POLK: variants seen among roughly 807,000 people sequenced by gnomAD.
POLK encodes polymerase (DNA directed) kappa.
Under a neutral mutation model 94.0 loss-of-function variants are expected in POLK, and 76 were observed. The ratio of observed to expected loss-of-function variants is 0.81; its 90% CI spans 0.67 to 0.98. The LOEUF is 0.98. Among genes scored for constraint, POLK ranks in the 50% least tolerant of loss-of-function variants. The probability of loss-of-function intolerance (pLI) is 0.00; values close to 1 mark genes in which losing one functional copy is unlikely to be tolerated. For synonymous variants in POLK, 349 were observed against 325.4 expected (o/e 1.07, Z -0.78); for missense variants, 954 against 1,010.1 (o/e 0.94, Z 0.75).
chr5:75,565,366 C>T (rs142645579), intron 3 of POLK, among the ~76,000 whole-genome samples: 1,662 of 152,254 alleles, frequency 0.011, 31 homozygotes, highest in African/African-American at 0.038. Flanking sequence ...TACCCACCTT[C>T]TGAAGCCTAC....
At chr5:75,511,630 A>C (rs2112496397), upstream of POLK, 1 of 1,480,800 alleles carries the variant, frequency 6.8e-7, no homozygotes, top group Non-Finnish European at 9.0e-7. Flanking sequence ...CCCACTATTT[A>C]CCCTCCCCTC....
the POLK span, among the ~76,000 whole-genome samples, chr5:75,607,686 G>A: frequency 2.0e-5 from 3 of 152,114 alleles, no homozygotes; most frequent in Non-Finnish European, 4.4e-5. Context: ...TTGTAAAACA[G>A]AGACATATCA....
intron 12 of POLK, among the ~76,000 whole-genome samples, chr5:75,595,038 G>T (rs1419020756): frequency 1.3e-5 from 2 of 152,036 alleles, no homozygotes; most frequent in Non-Finnish European, 2.9e-5. Context: ...ATTGCCTGAG[G>T]TCAGGAGTTC....
chr5:75,581,701 A>C, intron 7 of POLK: 2 of 343,064 alleles, frequency 5.8e-6, no homozygotes, highest in Non-Finnish European at 1.1e-5. Flanking sequence ...TTTGAGATGG[A>C]GTCTTGCTCT....
intron 3 of POLK, among the ~76,000 whole-genome samples, chr5:75,560,524 G>GT (rs571861684): frequency 2.6e-5 from 4 of 151,928 alleles, no homozygotes; most frequent in African/African-American, 4.8e-5. Context: ...AAAAAAATTT[G>GT]TTTTTTTATT....
chr5:75,594,508 C>T (rs554948849), intron 12 of POLK, among the ~76,000 whole-genome samples: 2 of 152,228 alleles, frequency 1.3e-5, no homozygotes, highest in South Asian at 4.1e-4. Flanking sequence ...ATTCTTGTGG[C>T]CAGGTGTGTT....
In POLK at chr5:75,530,245, CTTTTTTTTTTT is replaced by C. The variant is rs575507126; in HGVS notation, c.-13-16753_-13-16743del. ...CAAAAAGCTGAATCTATTTGTATTT[CTTTTTTTTTTT>C]TTTTTTTTTTTGAGATGGAATCTTG... On this transcript the variant is annotated intron_variant, in intron 1 of 14. Coordinates refer to ENST00000241436, the Ensembl canonical transcript of POLK. Among the ~76,000 whole-genome samples the C allele has an allele frequency of 4.2e-5, 4 of 95,934 alleles. No individual in the cohort carries two copies. In the East Asian group the frequency reaches 1.3e-3, roughly 31 times the overall value. 62.9% of individuals were successfully genotyped at this position (95,934 alleles called of 152,430 possible). A position where few individuals can be genotyped will look rare whatever the true frequency, so the allele number is the denominator to read the frequency against.
chr5:75,569,447 A>G (rs1198645084), exon 4 of POLK: 2 of 1,613,706 alleles, frequency 1.2e-6, no homozygotes, highest in Admixed American at 3.3e-5. Flanking sequence ...GGGACAATCC[A>G]GAATTGAAGG....
chr5:75,584,747 G>A lies in POLK; in HGVS notation c.1060-13G>A. The A allele has an allele frequency of 7.2e-7, 1 of 1,393,302 alleles. No homozygotes were observed. The highest frequency in any genetic ancestry group is 1.3e-5 in the South Asian group (1 of 75,850). 86.3% of individuals were successfully genotyped at this position (1,393,302 alleles called of 1,614,324 possible). A position where few individuals can be genotyped will look rare whatever the true frequency, so the allele number is the denominator to read the frequency against. On this transcript the variant is annotated splice_polypyrimidine_tract_variant and intron_variant, in intron 8 of 14. Transcript: ENST00000241436. ...TTAAAATCTATTAATAATAAATATT[G>A]ATTCTTTTCTAGGTTTCTGGAATAG...
intron 1 of POLK, among the ~76,000 whole-genome samples, chr5:75,517,462 G>A (rs1015502199): frequency 2.6e-5 from 4 of 152,056 alleles, no homozygotes; most frequent in African/African-American, 9.7e-5. Flanking sequence ...ATAAAAAAAA[G>A]TCTGTACTGA....
chr5:75,573,861 A>G lies in POLK; in HGVS notation c.532A>G (p.Ser178Gly), dbSNP rs766469149. The G allele has an allele frequency of 2.5e-6, 4 of 1,613,170 alleles. No individual in the cohort carries two copies. The African/African-American group carries it at 5.3e-5, about 22-fold the overall frequency. ...CAACTTTGACAAATACCGAGCTGTG[A>G]GTAAAGAGGTAAGTTAATGTCTCAC... The change falls in exon 5 of 15, where the codon AGT becomes GGT. Residue 178 changes from serine to glycine, a missense_variant. Transcript: ENST00000241436.
intron 10 of POLK, among the ~76,000 whole-genome samples, chr5:75,587,653 G>T (rs1220707663): frequency 6.6e-6 from 1 of 152,140 alleles, no homozygotes; most frequent in Non-Finnish European, 1.5e-5. Context: ...CGGCAAGGTG[G>T]CTCACCCCTG....
intron 7 of POLK, 176 bp downstream of exon 7, chr5:75,581,624 T>C: frequency 1.7e-6 from 1 of 596,692 alleles, no homozygotes; most frequent in Non-Finnish European, 2.9e-6. Context: ...AGTAAGTAAA[T>C]TGGAATTAAG....
At chr5:75,529,868 G>A (rs1341830970) in intron 1 of POLK, among the ~76,000 whole-genome samples, 1 of 152,120 alleles carries the variant, frequency 6.6e-6, no homozygotes, top group Non-Finnish European at 1.5e-5. Flanking sequence ...ACATATAGAT[G>A]AAATTGTACC....
chr5:75,573,688 TGTC>T, intron 4 of POLK, 47 bp from the exon 5 acceptor site: 1 of 1,475,458 alleles, frequency 6.8e-7, no homozygotes, highest in Non-Finnish European at 9.5e-7. Context: ...TTGATCAATA[TGTC>T]CATTTAGGTT....
At chr5:75,566,573 A>G (rs1490700393) in intron 3 of POLK, among the ~76,000 whole-genome samples, 2 of 152,168 alleles carry the variant, frequency 1.3e-5, no homozygotes, top group African/African-American at 4.8e-5. Context: ...GGATAGCACC[A>G]TCCCTCACCA....
chr5:75,514,015 TCTA>T (rs774904240), intron 1 of POLK, among the ~76,000 whole-genome samples: 1 of 152,312 alleles, frequency 6.6e-6, no homozygotes, highest in Admixed American at 6.5e-5. Context: ...TTGTTTCACT[TCTA>T]CTATAATTTC....
At chr5:75,596,608 T>C in exon 13 of POLK, 1 of 1,614,038 alleles carries the variant, frequency 6.2e-7, no homozygotes, top group African/African-American at 1.3e-5. Context: ...TCTGGAAGCC[T>C]TGAATAAACA....
chr5:75,538,290 A>G (rs1397060884), intron 1 of POLK, among the ~76,000 whole-genome samples: 1 of 152,246 alleles, frequency 6.6e-6, no homozygotes, highest in Non-Finnish European at 1.5e-5. Flanking sequence ...TAAAATAAAC[A>G]GCATATTTGG....
Sources: allele counts gnomAD v4.1 joint callset (sites outside exome capture counted in the v4.1 genomes callset), GRCh38; gene constraint gnomAD v4.1.1; transcripts MANE v1.5; gene names NCBI Gene and HGNC (gene_info 2026-07-23, HGNC 2026-07-21).